Variants in OR4N2 observed in about 807,000 individuals in gnomAD.
OR4N2 encodes the protein olfactory receptor family 4 subfamily N member 2.
For missense variants in OR4N2, 307 were observed against 377.6 expected, an observed-to-expected ratio of 0.81 and a Z score of 1.55; for synonymous variants, 141 against 140.4, an observed-to-expected ratio of 1.00 and a Z score of -0.03.
intron 1 of OR4N2, among the ~76,000 whole-genome samples, chr14:19,815,211 G>A (rs1247516337): frequency 6.6e-6 from 1 of 152,226 alleles, no homozygotes; most frequent in East Asian, 1.9e-4. Context: ...TGGGTCAAAT[G>A]GTATTTCTGG....
rs774776867 is a variant in OR4N2 at position 19,828,144 on chromosome 14, A to G, written c.696A>G (p.Ala232=). 1.9e-6 allele frequency: 3 copies of G among 1,613,892 alleles called. No homozygotes were observed. Among genetic ancestry groups the G allele is most frequent in the African/African-American group, 1.3e-5 (1 of 74,916 alleles). Residue 232 remains alanine, a synonymous_variant, in exon 2 of 2, where the codon GCA becomes GCG. Transcript: ENST00000557677. ...LCRIRGSSSE[A]KNKAMSTCIT... is the part of the protein sequence containing the mutation. ...GCATACGAGGGTCTTCTTCTGAGGCAAAAAACAAGGCCATGTCCACGTGCA... is the reference window on the plus strand; with the variant it reads ...GCATACGAGGGTCTTCTTCTGAGGCGAAAAACAAGGCCATGTCCACGTGCA...
intron 1 of OR4N2, among the ~76,000 whole-genome samples, chr14:19,818,177 G>C (rs1325914759): frequency 6.6e-6 from 1 of 152,246 alleles, no homozygotes; most frequent in Non-Finnish European, 1.5e-5. Context: ...ATTTGGGGTG[G>C]AGAGTTTTGT....
intron 1 of OR4N2, chr14:19,822,161 A>G (rs552472707): frequency 2.0e-5 from 3 of 152,254 alleles, no homozygotes; most frequent in Non-Finnish European, 4.4e-5. Flanking sequence ...GGCACTATGT[A>G]CTCTCTCTCC....
At chr14:19,810,040 G>T (rs1426001372) in intron 1 of OR4N2, among the ~76,000 whole-genome samples, 2 of 151,948 alleles carry the variant, frequency 1.3e-5, no homozygotes, top group African/African-American at 2.4e-5. Flanking sequence ...AGAGCAGAAT[G>T]AACTGTCAAC....
At chr14:19,820,702 A>C (rs377591430) in intron 1 of OR4N2, among the ~76,000 whole-genome samples, 2 of 152,228 alleles carry the variant, frequency 1.3e-5, no homozygotes, top group Admixed American at 1.3e-4. Context: ...GCCCAGTTCA[A>C]ACTTCCTGGT....
At chr14:19,823,032 G>T (rs1273143565) in intron 1 of OR4N2, among the ~76,000 whole-genome samples, 2 of 152,226 alleles carry the variant, frequency 1.3e-5, no homozygotes, top group Non-Finnish European at 2.9e-5. Context: ...CATCTCATTT[G>T]ATTGATGAAT....
intron 1 of OR4N2, among the ~76,000 whole-genome samples, chr14:19,811,652 G>GA (rs1322355841): frequency 3.9e-5 from 6 of 152,254 alleles, no homozygotes; most frequent in Non-Finnish European, 5.9e-5. Flanking sequence ...CTTAACATTT[G>GA]AAAATCAATC....
intron 1 of OR4N2, among the ~76,000 whole-genome samples, chr14:19,807,253 G>A (rs1325766528): frequency 6.6e-6 from 1 of 151,388 alleles, no homozygotes; most frequent in African/African-American, 2.4e-5. Context: ...TAATGAAATT[G>A]AGATGCAAAA....
intron 1 of OR4N2, among the ~76,000 whole-genome samples, chr14:19,826,607 G>C (rs1455043949): frequency 1.3e-5 from 2 of 152,242 alleles, no homozygotes; most frequent in Non-Finnish European, 2.9e-5. Context: ...ATATTTTAAA[G>C]TTTTATACTT....
rs368630542 is a variant in OR4N2, at chr14:19,827,812, C to A, written c.364C>A (p.Arg122Ser). 53 of 1,614,116 alleles carry A rather than the reference C, an allele frequency of 3.3e-5. No individual in the cohort carries two copies. Among genetic ancestry groups the A allele is most frequent in the Non-Finnish European group, 4.2e-5 (50 of 1,180,042 alleles). The change falls in exon 2 of 2, where the codon CGC becomes AGC. Residue 122 changes from arginine (R) to serine (S), a missense_variant. By Grantham distance (110) the Arg-to-Ser change is moderately radical (BLOSUM62 -1). Transcript: ENST00000557677. ...GLLLVVMAFDRYIAICRPLHY... is the reference protein window; with the variant it reads ...GLLLVVMAFDSYIAICRPLHY... ...ACTCCTTGTTGTGATGGCCTTTGAC[C>A]GCTACATCGCCATCTGCCGGCCTCT...
intron 1 of OR4N2, among the ~76,000 whole-genome samples, chr14:19,823,985 C>T (rs112778870): frequency 5.3e-5 from 8 of 152,202 alleles, no homozygotes; most frequent in African/African-American, 7.2e-5. Flanking sequence ...CTCCACCCTG[C>T]AAATGTGGTG....
Position 19,828,647 on chromosome 14 carries a change from A to G in OR4N2, c.*275A>G, listed in dbSNP as rs1879790801. 1.5e-5 allele frequency: 5 copies of G among 343,292 alleles called. No homozygotes were observed. In the South Asian group the frequency reaches 1.9e-4, roughly 13 times the overall value. The allele number at this position is 343,292 out of a possible 1,614,324, so 21.3% of individuals were successfully genotyped here. ...AAACTAAAAAGAAAAGTGAAATGAT[A>G]AATTGTGACTCTGGATTGGGAGTAA... On this transcript the variant is annotated 3_prime_UTR_variant, in exon 2 of 2. Transcript: ENST00000557677.
At chr14:19,813,319 G>C (rs1879347431) in intron 1 of OR4N2, among the ~76,000 whole-genome samples, 1 of 152,226 alleles carries the variant, frequency 6.6e-6, no homozygotes, top group African/African-American at 2.4e-5. Context: ...TGTAGACTGT[G>C]CATTTATATG....
intron 1 of OR4N2, among the ~76,000 whole-genome samples, chr14:19,811,748 T>G (rs1029969607): frequency 6.6e-6 from 1 of 152,256 alleles, no homozygotes; most frequent in African/African-American, 2.4e-5. Flanking sequence ...TTAACATCCA[T>G]TCATGTCTGT....
At chr14:19,807,490 A>G (rs182787249) in intron 1 of OR4N2, among the ~76,000 whole-genome samples, 1 of 152,270 alleles carries the variant, frequency 6.6e-6, no homozygotes, top group East Asian at 1.9e-4. Flanking sequence ...GAAGAAATGG[A>G]TAAATTCATG....
intron 1 of OR4N2, among the ~76,000 whole-genome samples, chr14:19,818,323 T>C (rs550237158): frequency 1.3e-5 from 2 of 151,874 alleles, no homozygotes; most frequent in East Asian, 3.9e-4. Flanking sequence ...TGTAAGTCTC[T>C]TTGTATGTCT....
intron 1 of OR4N2, among the ~76,000 whole-genome samples, 157 bp downstream of exon 1, chr14:19,804,001 C>T (rs1879089900): frequency 6.6e-6 from 1 of 152,150 alleles, no homozygotes; most frequent in South Asian, 2.1e-4. Context: ...ATAGTAGTCT[C>T]TGAGGGTTTT....
chr14:19,810,207 G>C (rs1433222180), intron 1 of OR4N2, among the ~76,000 whole-genome samples: 1 of 152,164 alleles, frequency 6.6e-6, no homozygotes, highest in Non-Finnish European at 1.5e-5. Flanking sequence ...GCTTTTCAAA[G>C]ACCTACATGC....
intron 1 of OR4N2, chr14:19,822,479 G>T (rs1339382110): frequency 2.6e-5 from 4 of 152,170 alleles, no homozygotes; most frequent in African/African-American, 9.7e-5. Flanking sequence ...GTTGCATGTG[G>T]TTATATCATT....
Sources: allele counts gnomAD v4.1 joint callset (sites outside exome capture counted in the v4.1 genomes callset), GRCh38; gene constraint gnomAD v4.1.1; transcripts MANE v1.5; gene names NCBI Gene and HGNC (gene_info 2026-07-23, HGNC 2026-07-21).